NAALADL2: variants seen among roughly 807,000 people sequenced by gnomAD.
The protein encoded by NAALADL2 is N-acetylated alpha-linked acidic dipeptidase like 2.
Under a neutral mutation model 87.2 loss-of-function variants are expected in NAALADL2, and 76 were observed. The ratio of observed to expected loss-of-function variants is 0.87; its 90% CI spans 0.72 to 1.05. The LOEUF (loss-of-function observed/expected upper bound fraction) is 1.05, where lower values mean the gene tolerates loss of function less well. Ranked by LOEUF, NAALADL2 falls within the 50% of genes least tolerant of loss-of-function variation. NAALADL2 has a pLI of 0.00. For missense variants in NAALADL2, 1,089 were observed against 945.8 expected (o/e 1.15, Z -1.99); for synonymous variants, 354 against 331.0 (o/e 1.07, Z -0.75).
At chr3:175,205,249 A>G (rs1196340130) in intron 2 of NAALADL2, among the ~76,000 whole-genome samples, 2 of 152,222 alleles carry the variant, frequency 1.3e-5, no homozygotes, top group African/African-American at 4.8e-5. Flanking sequence ...ACTGCTATAA[A>G]AATAGGCACA....
chr3:175,382,161 G>A (rs766837289), intron 5 of NAALADL2, among the ~76,000 whole-genome samples: 1 of 152,062 alleles, frequency 6.6e-6, no homozygotes, highest in Non-Finnish European at 1.5e-5. Context: ...GTTTGGATAA[G>A]CACTGAAAAT....
chr3:175,726,212 CAGAT>C, intron 11 of NAALADL2, among the ~76,000 whole-genome samples: 1 of 142,228 alleles, frequency 7.0e-6, no homozygotes, highest in Non-Finnish European at 1.5e-5. Flanking sequence ...AATTTAATAA[CAGAT>C]AGGTGATGAC....
At chr3:175,695,685 A>T (rs952041103) in intron 11 of NAALADL2, among the ~76,000 whole-genome samples, 24 of 152,226 alleles carry the variant, frequency 1.6e-4, no homozygotes, top group Middle Eastern at 3.4e-3. Flanking sequence ...GAAATAAATT[A>T]AAAAAATATT....
At position 174,872,389 on chromosome 3, in the gene NAALADL2, G is replaced by A. The variant is rs780831135; in HGVS notation, c.43+12939G>A. On this transcript the variant is annotated intron_variant, in intron 1 of 13. Transcript: ENST00000454872. ...TATGCAGAAACTAGGTGGCAGAGCC[G>A]GGATTCGGGATTCAAACTGTCTGAC... Among the ~76,000 whole-genome samples the A allele has an allele frequency of 3.3e-4, 50 of 152,202 alleles. 1 individual carries two copies. Among genetic ancestry groups the A allele is most frequent in the South Asian group, 4.2e-4 (2 of 4,818 alleles).
At chr3:175,422,912 G>T (rs755453086) in intron 5 of NAALADL2, among the ~76,000 whole-genome samples, 9 of 150,368 alleles carry the variant, frequency 6.0e-5, no homozygotes, top group Non-Finnish European at 1.3e-4. Flanking sequence ...TTGGGGCCAG[G>T]CACCAACTAA....
chr3:175,010,643 G>C (rs1749655636), intron 1 of NAALADL2, among the ~76,000 whole-genome samples: 1 of 152,004 alleles, frequency 6.6e-6, no homozygotes, highest in African/African-American at 2.4e-5. Context: ...AACAGTTTTG[G>C]GCCAACTGAA....
intron 5 of NAALADL2, among the ~76,000 whole-genome samples, chr3:175,417,991 C>G (rs753611528): frequency 3.9e-5 from 6 of 152,018 alleles, no homozygotes; most frequent in Non-Finnish European, 8.8e-5. Flanking sequence ...ATGGTGAAAG[C>G]AAGCAAAATA....
At position 175,426,422 on chromosome 3, in the gene NAALADL2, G is replaced by A. The variant is rs184417406; in HGVS notation, c.1091-20807G>A. Among the ~76,000 whole-genome samples the A allele has an allele frequency of 1.1e-4, 16 of 152,222 alleles. 1 individual carries two copies. The highest frequency in any genetic ancestry group is 1.0e-3 in the Admixed American group (16 of 15,272). On this transcript the variant is annotated intron_variant, in intron 5 of 13. Coordinates refer to ENST00000454872, the MANE Select transcript of NAALADL2 (RefSeq NM_207015.3). ...TTGTATCATTGTTATGTATTTATAA[G>A]TAAGGTCCACTTAAAGGCAAGGTTG...
intron 1 of NAALADL2, among the ~76,000 whole-genome samples, chr3:174,901,319 T>C (rs1369808228): frequency 6.6e-6 from 1 of 152,170 alleles, no homozygotes; most frequent in African/African-American, 2.4e-5. Context: ...TTATCTGAGA[T>C]ATAGATGGAG....
intron 11 of NAALADL2, among the ~76,000 whole-genome samples, chr3:175,649,565 G>C (rs528183766): frequency 7.2e-5 from 11 of 152,256 alleles, no homozygotes; most frequent in African/African-American, 1.9e-4. Context: ...TATCTGGTAA[G>C]AGTCTCCCCT....
At chr3:175,732,860 C>T (rs760992558) in intron 11 of NAALADL2, among the ~76,000 whole-genome samples, 36 of 140,694 alleles carry the variant, frequency 2.6e-4, no homozygotes, top group Admixed American at 4.6e-4. Flanking sequence ...TCAATGAGAA[C>T]ACATGTACAT....
rs189946453 is a variant in NAALADL2, at chr3:175,134,319, C to G, written c.545+37028C>G. ...TGTATCTGCAACTTTTGTTTTCCAA[C>G]TGCAGAGTTATTTGTGCACGTTTCT... On this transcript the variant is annotated intron_variant, in intron 2 of 13. Transcript: ENST00000454872. Among the ~76,000 whole-genome samples the G allele has an allele frequency of 2.6e-3, 394 of 152,304 alleles. 5 individuals carry two copies. Among genetic ancestry groups the G allele is most frequent in the Non-Finnish European group, 2.9e-3 (198 of 68,024 alleles).
At chr3:174,501,350 T>C (rs1418798146) in intron 1 of NAALADL2, among the ~76,000 whole-genome samples, 2 of 152,058 alleles carry the variant, frequency 1.3e-5, no homozygotes, top group South Asian at 4.1e-4. Flanking sequence ...AGTGCTGGGA[T>C]TACAGGCGTG....
chr3:175,800,519 A>G (rs950638988), intron 13 of NAALADL2, among the ~76,000 whole-genome samples: 1 of 152,094 alleles, frequency 6.6e-6, no homozygotes, highest in Non-Finnish European at 1.5e-5. Context: ...GAACAAAATC[A>G]TTGAAATAAT....
intron 13 of NAALADL2, among the ~76,000 whole-genome samples, chr3:175,776,724 AT>A (rs1011613140): frequency 1.3e-5 from 2 of 152,040 alleles, no homozygotes; most frequent in East Asian, 1.9e-4. Context: ...TCAATTCATG[AT>A]TTTTTTCCCT....
intron 2 of NAALADL2, among the ~76,000 whole-genome samples, chr3:175,133,371 G>T (rs551944310): frequency 1.3e-5 from 2 of 151,804 alleles, no homozygotes; most frequent in African/African-American, 4.8e-5. Context: ...CAAGGCAGGC[G>T]GCTGGGAGGT....
intron 3 of NAALADL2, among the ~76,000 whole-genome samples, chr3:174,784,053 A>G (rs1220804340): frequency 3.3e-5 from 5 of 152,200 alleles, no homozygotes; most frequent in East Asian, 1.9e-4. Flanking sequence ...CACAAAACCT[A>G]TATTGAATGC....
intron 3 of NAALADL2, among the ~76,000 whole-genome samples, chr3:174,769,578 T>C (rs1305849713): frequency 6.6e-6 from 1 of 151,486 alleles, no homozygotes; most frequent in Non-Finnish European, 1.5e-5. Flanking sequence ...ATTATTTTTA[T>C]TTTTATTTTA....
chr3:174,514,139 T>C (rs1244355968), intron 1 of NAALADL2, among the ~76,000 whole-genome samples: 1 of 152,200 alleles, frequency 6.6e-6, no homozygotes, highest in African/African-American at 2.4e-5. Flanking sequence ...TCTGTAAGAA[T>C]GATTCTGTTG....
Sources: allele counts gnomAD v4.1 joint callset (sites outside exome capture counted in the v4.1 genomes callset), GRCh38; gene constraint gnomAD v4.1.1; transcripts MANE v1.5; gene names NCBI Gene and HGNC (gene_info 2026-07-23, HGNC 2026-07-21).